FOCAD: variants seen among roughly 807,000 people sequenced by gnomAD.
FOCAD encodes the protein KIAA1797.
A neutral mutation model predicts 225.6 loss-of-function variants in FOCAD; 198 were observed. The observed-to-expected ratio is 0.88, with a 90% CI of 0.78 to 0.99. The LOEUF is 0.99. Among genes scored for constraint, FOCAD ranks in the 50% least tolerant of loss-of-function variants. The pLI is 0.00. For missense variants in FOCAD, 2,713 were observed against 2,123.6 expected, an observed-to-expected ratio of 1.28 and a Z score of -5.46; for synonymous variants, 897 against 755.0, an observed-to-expected ratio of 1.19 and a Z score of -3.08.
At chr9:20,834,246 C>T (rs1474672465) in intron 15 of FOCAD, among the ~76,000 whole-genome samples, 1 of 151,516 alleles carries the variant, frequency 6.6e-6, no homozygotes, top group African/African-American at 2.4e-5. Context: ...GGGAGCTGAA[C>T]GATGAGAACA....
chr9:20,827,753 A>G (rs918124124), intron 15 of FOCAD, among the ~76,000 whole-genome samples: 4 of 152,130 alleles, frequency 2.6e-5, no homozygotes, highest in African/African-American at 7.2e-5. Context: ...GAGAGGGAAG[A>G]GGAAATAGGA....
At chr9:20,741,422 G>T (rs1008113874) in intron 5 of FOCAD, among the ~76,000 whole-genome samples, 2 of 152,036 alleles carry the variant, frequency 1.3e-5, no homozygotes, top group Non-Finnish European at 2.9e-5. Context: ...GTAATTTTTA[G>T]TGCTATTTGT....
At chr9:20,748,055 G>A (rs984996960) in intron 5 of FOCAD, among the ~76,000 whole-genome samples, 4 of 151,712 alleles carry the variant, frequency 2.6e-5, no homozygotes, top group African/African-American at 9.7e-5. Flanking sequence ...TTTGCTTTTG[G>A]GGGGTTGATT....
intron 2 of FOCAD, among the ~76,000 whole-genome samples, chr9:20,674,368 T>C (rs1396721498): frequency 3.9e-5 from 6 of 152,218 alleles, no homozygotes; most frequent in African/African-American, 1.4e-4. Flanking sequence ...GTGGGAGTAC[T>C]GTATTTATAC....
intron 11 of FOCAD, among the ~76,000 whole-genome samples, chr9:20,797,131 G>A (rs997184708): frequency 5.3e-5 from 8 of 152,132 alleles, no homozygotes; most frequent in East Asian, 1.9e-4. Context: ...AGTTGTAGAT[G>A]TGTGGCATTA....
chr9:20,763,266 C>T (rs963403341), intron 6 of FOCAD, among the ~76,000 whole-genome samples: 3 of 152,054 alleles, frequency 2.0e-5, no homozygotes, highest in Admixed American at 6.6e-5. Context: ...AACAGAAATC[C>T]GTGGCCTCAT....
intron 28 of FOCAD, among the ~76,000 whole-genome samples, chr9:20,940,416 C>T (rs1836530145): frequency 6.6e-6 from 1 of 151,848 alleles, no homozygotes. Context: ...CCTCAAGTAG[C>T]TGGTACTACA....
chr9:20,831,280 T>G, intron 15 of FOCAD, among the ~76,000 whole-genome samples: 1 of 152,126 alleles, frequency 6.6e-6, no homozygotes, highest in East Asian at 1.9e-4. Context: ...CATTCTCCGG[T>G]AGGAAGAGGT....
At chr9:20,847,326 A>G (rs1011642262) in intron 15 of FOCAD, among the ~76,000 whole-genome samples, 2 of 152,130 alleles carry the variant, frequency 1.3e-5, no homozygotes, top group Non-Finnish European at 2.9e-5. Context: ...ATCATACAGT[A>G]TGTGGTATTT....
intron 10 of FOCAD, among the ~76,000 whole-genome samples, chr9:20,786,626 C>T (rs1267367871): frequency 6.6e-6 from 1 of 152,166 alleles, no homozygotes; most frequent in Non-Finnish European, 1.5e-5. Flanking sequence ...AGATTAGTGC[C>T]ATTCTTTACA....
At chr9:20,960,225 G>A (rs1264565851) in intron 35 of FOCAD, among the ~76,000 whole-genome samples, 1 of 152,142 alleles carries the variant, frequency 6.6e-6, no homozygotes, top group African/African-American at 2.4e-5. Flanking sequence ...TTTAATTTGG[G>A]TTTGCCTGAT....
At chr9:20,868,080 G>C (rs1012452577) in intron 18 of FOCAD, among the ~76,000 whole-genome samples, 11 of 152,166 alleles carry the variant, frequency 7.2e-5, no homozygotes, top group Non-Finnish European at 1.0e-4. Flanking sequence ...GGAAAACTTA[G>C]GTAAAGATGT....
intron 1 of FOCAD, among the ~76,000 whole-genome samples, chr9:20,686,602 G>A (rs1202421662): frequency 6.6e-6 from 1 of 152,180 alleles, no homozygotes; most frequent in African/African-American, 2.4e-5. Context: ...ATCTTAATCA[G>A]TATTTCTTGA....
chr9:20,899,844 T>A (rs573924945), intron 21 of FOCAD, among the ~76,000 whole-genome samples: 2 of 151,862 alleles, frequency 1.3e-5, no homozygotes, highest in Non-Finnish European at 2.9e-5. Context: ...TTTAGAAGAA[T>A]CATAGACCCA....
At chr9:20,729,552 G>A (rs888483228) in intron 4 of FOCAD, among the ~76,000 whole-genome samples, 1 of 152,096 alleles carries the variant, frequency 6.6e-6, no homozygotes, top group Non-Finnish European at 1.5e-5. Flanking sequence ...GTATCTTTTG[G>A]GGGGACACAA....
At chr9:20,720,824 A>G (rs1586937335) in intron 4 of FOCAD, among the ~76,000 whole-genome samples, 1 of 152,232 alleles carries the variant, frequency 6.6e-6, no homozygotes, top group East Asian at 1.9e-4. Flanking sequence ...AATGTAATGC[A>G]GATTCCTGAC....
At chr9:20,951,372 C>G (rs973455715) in intron 34 of FOCAD, among the ~76,000 whole-genome samples, 3 of 152,150 alleles carry the variant, frequency 2.0e-5, no homozygotes, top group Non-Finnish European at 4.4e-5. Flanking sequence ...CCTTAGAGAA[C>G]AGTTTAGACA....
intron 11 of FOCAD, among the ~76,000 whole-genome samples, chr9:20,791,389 A>C (rs1021591144): frequency 6.6e-6 from 1 of 152,140 alleles, no homozygotes; most frequent in Admixed American, 6.6e-5. Flanking sequence ...TGGGATACAG[A>C]GTGATATTTT....
At chr9:20,828,118 A>G (rs1384681694) in intron 15 of FOCAD, among the ~76,000 whole-genome samples, 1 of 151,738 alleles carries the variant, frequency 6.6e-6, no homozygotes, top group Non-Finnish European at 1.5e-5. Context: ...GCGCCACTGC[A>G]TTCCAGCCTG....
Sources: allele counts gnomAD v4.1 joint callset (sites outside exome capture counted in the v4.1 genomes callset), GRCh38; gene constraint gnomAD v4.1.1; transcripts MANE v1.5; gene names NCBI Gene and HGNC (gene_info 2026-07-23, HGNC 2026-07-21).